The following DIP2C variants were observed in gnomAD, a reference collection of about 807,000 sequenced individuals.
The protein encoded by DIP2C is DIP2 acetate--CoA ligase C (putative), also known as disco-interacting protein 2 homolog C.
Under a neutral mutation model 192.4 loss-of-function variants are expected in DIP2C, and 33 were observed. That is an observed-to-expected ratio of 0.17 (90% CI 0.13 to 0.23). The LOEUF is 0.23. Ranked by LOEUF, DIP2C falls within the 10% of genes least tolerant of loss-of-function variation. DIP2C has a pLI of 1.00. For synonymous variants in DIP2C, 979 were observed against 864.1 expected (o/e 1.13, Z -2.33); for missense variants, 1,537 against 2,110.1 (o/e 0.73, Z 5.32).
At chr10:610,017 G>GT (rs778712218) in intron 1 of DIP2C, among the ~76,000 whole-genome samples, 2 of 151,994 alleles carry the variant, frequency 1.3e-5, no homozygotes, top group Non-Finnish European at 2.9e-5. Flanking sequence ...TATAAAGCCA[G>GT]TGACTGCTCC....
intron 1 of DIP2C, among the ~76,000 whole-genome samples, chr10:552,369 CAG>C (rs1308309102): frequency 1.3e-5 from 2 of 152,174 alleles, no homozygotes; most frequent in Non-Finnish European, 2.9e-5. Flanking sequence ...TTTTTAGAAA[CAG>C]AGTGAAGTCC....
At position 419,204 on chromosome 10, in the gene DIP2C, A is replaced by G; in HGVS notation, c.605-5T>C. 1 of 1,614,188 alleles carries G rather than the reference A, an allele frequency of 6.2e-7. No homozygotes were observed. The highest frequency in any genetic ancestry group is 2.2e-5 in the East Asian group (1 of 44,880). On this transcript the variant is annotated splice_polypyrimidine_tract_variant and splice_region_variant and intron_variant, in intron 5 of 36. Transcript: ENST00000280886. ...CAGGAGGTGCAGAATGATTTTCTGT[A>G]AAGAAACACATCATGAGATTTTCTG...
At chr10:308,159 T>TC (rs1244311186) in intron 32 of DIP2C, among the ~76,000 whole-genome samples, 1 of 152,218 alleles carries the variant, frequency 6.6e-6, no homozygotes, top group Non-Finnish European at 1.5e-5. Flanking sequence ...GACTTTGCTT[T>TC]CCTTCTTTGT....
At chr10:290,458 G>A (rs1488298576) in intron 32 of DIP2C, among the ~76,000 whole-genome samples, 1 of 152,220 alleles carries the variant, frequency 6.6e-6, no homozygotes, top group Non-Finnish European at 1.5e-5. Flanking sequence ...CACTGACCAC[G>A]GAGAAGCTCA....
At chr10:626,510 T>C (rs915393360) in intron 1 of DIP2C, among the ~76,000 whole-genome samples, 2 of 142,242 alleles carry the variant, frequency 1.4e-5, no homozygotes, top group Non-Finnish European at 3.0e-5. Context: ...ATCCCTGGTG[T>C]TGGTCACCAT....
In DIP2C at chr10:636,561, G is replaced by A. The variant is rs372529658; in HGVS notation, c.85+52933C>T. Among the ~76,000 whole-genome samples the A allele has an allele frequency of 3.9e-5, 6 of 152,060 alleles. No individual in the cohort carries two copies. Among genetic ancestry groups the A allele is most frequent in the African/African-American group, 1.4e-4 (6 of 41,402 alleles). Reference sequence around the variant, plus strand: ...CCTCTGCAGCCGCAGAACCATCATCGGCAGACAAGAACCATTTCAGAGCAT... The same window carrying A: ...CCTCTGCAGCCGCAGAACCATCATCAGCAGACAAGAACCATTTCAGAGCAT... On this transcript the variant is annotated intron_variant, in intron 1 of 36. Coordinates refer to ENST00000280886, the MANE Select transcript of DIP2C (RefSeq NM_014974.3). This position sits in a 1 kb window ranked among gnomAD's most constrained non-coding sequence, Gnocchi z 4.6.
intron 1 of DIP2C, among the ~76,000 whole-genome samples, chr10:556,741 C>T (rs1252351174): frequency 6.6e-6 from 1 of 152,144 alleles, no homozygotes; most frequent in Non-Finnish European, 1.5e-5. Flanking sequence ...ACACCTACCA[C>T]ATTGAAAACA....
At chr10:289,897 C>T (rs1178065879) in intron 32 of DIP2C, among the ~76,000 whole-genome samples, 1 of 152,232 alleles carries the variant, frequency 6.6e-6, no homozygotes, top group Non-Finnish European at 1.5e-5. Context: ...TCCTGCCAGA[C>T]CTAGGGCTGT....
At chr10:564,217 C>G (rs1462296648) in intron 1 of DIP2C, among the ~76,000 whole-genome samples, 1 of 152,044 alleles carries the variant, frequency 6.6e-6, no homozygotes, top group Admixed American at 6.5e-5. Context: ...AACGTTCCCC[C>G]CACCCCCGCA....
At chr10:307,999 CG>C (rs1302090118) in intron 32 of DIP2C, among the ~76,000 whole-genome samples, 2 of 134,390 alleles carry the variant, frequency 1.5e-5, no homozygotes, top group African/African-American at 5.9e-5. Context: ...GGTGCCTGGG[CG>C]GGGCCCAGCA....
At chr10:494,136 T>C (rs1844644415) in intron 1 of DIP2C, among the ~76,000 whole-genome samples, 2 of 152,220 alleles carry the variant, frequency 1.3e-5, no homozygotes, top group East Asian at 1.9e-4. Context: ...ACACACACTA[T>C]GTGACCCCCT....
At chr10:386,436 A>C (rs1427458573) in intron 14 of DIP2C, among the ~76,000 whole-genome samples, 1 of 152,128 alleles carries the variant, frequency 6.6e-6, no homozygotes, top group Non-Finnish European at 1.5e-5. Context: ...AGGGGCTCCC[A>C]CTGCACCAGC....
intron 7 of DIP2C, 108 bp downstream of exon 7, chr10:415,661 C>T: frequency 6.8e-7 from 1 of 1,470,124 alleles, no homozygotes; most frequent in Non-Finnish European, 9.2e-7. Flanking sequence ...GCGGCAAATG[C>T]CACGATTACT....
At chr10:611,330 A>G (rs1853084660) in intron 1 of DIP2C, among the ~76,000 whole-genome samples, 1 of 152,120 alleles carries the variant, frequency 6.6e-6, no homozygotes, top group African/African-American at 2.4e-5. Context: ...TTTTTTCCTT[A>G]TCAATTACCC....
chr10:393,778 C>CAAAA lies in DIP2C; in HGVS notation c.1261-2919_1261-2916dup, dbSNP rs34390976. Among the ~76,000 whole-genome samples the CAAAA allele has an allele frequency of 3.1e-3, 209 of 66,456 alleles. 3 individuals carry two copies. Among genetic ancestry groups the CAAAA allele is most frequent in the African/African-American group, 0.012 (197 of 15,910 alleles). 43.6% of individuals were successfully genotyped at this position (66,456 alleles called of 152,430 possible). ...TGGGTGACAGAGCGAGACTCCGTCT[C>CAAAA]AAAAAAAAAAAAAAAAAAGAAAAAA... is the stretch of plus-strand genomic sequence containing the variant. On this transcript the variant is annotated intron_variant, in intron 10 of 36. Coordinates refer to ENST00000280886, the MANE Select transcript of DIP2C (RefSeq NM_014974.3).
intron 3 of DIP2C, among the ~76,000 whole-genome samples, chr10:454,766 CATT>C (rs1969150206): frequency 6.6e-6 from 1 of 151,902 alleles, no homozygotes; most frequent in Admixed American, 6.6e-5. Flanking sequence ...TGCTCGATGT[CATT>C]ATTGCAATGA....
intron 1 of DIP2C, 33 bp from the exon 2 acceptor site, chr10:486,563 T>C (rs1235844789): frequency 3.8e-6 from 6 of 1,568,040 alleles, no homozygotes; most frequent in Non-Finnish European, 5.2e-6. Context: ...TTCAGTATGG[T>C]CTCCGTGGAT....
At chr10:575,693 TGGA>T (rs919058865) in intron 1 of DIP2C, among the ~76,000 whole-genome samples, 32 of 152,260 alleles carry the variant, frequency 2.1e-4, no homozygotes, top group Admixed American at 2.0e-3. Context: ...GAACTGTTCC[TGGA>T]GGAGAACAGC....
At chr10:349,542 C>T (rs544057772) in intron 24 of DIP2C, 88 bp from the exon 25 acceptor site, 31 of 1,505,692 alleles carry the variant, frequency 2.1e-5, no homozygotes, top group Admixed American at 1.8e-4. Flanking sequence ...AACTCACTGG[C>T]GCAAAGCATA....
Sources: gnomAD v4.1 joint callset for allele counts (sites outside exome capture counted in the v4.1 genomes callset) on GRCh38, gnomAD v4.1.1 for gene constraint, Gnocchi (gnomAD v3.1) non-coding constraint, MANE v1.5 for transcripts, NCBI Gene and HGNC (gene_info 2026-07-23, HGNC 2026-07-21) for gene names.